UBA5: variants seen among roughly 807,000 people sequenced by gnomAD.
The protein encoded by UBA5 is ubiquitin like modifier activating enzyme 5, also known as ubiquitin-like modifier-activating enzyme 5.
Under a neutral mutation model 52.9 loss-of-function variants are expected in UBA5, and 28 were observed. The ratio of observed to expected loss-of-function variants is 0.53; its 90% CI spans 0.39 to 0.73. The LOEUF is 0.73. Ranked by LOEUF, UBA5 falls within the 30% of genes least tolerant of loss-of-function variation. UBA5 has a pLI of 0.00. For missense variants in UBA5, 388 were observed against 492.7 expected (o/e 0.79, Z 2.01); for synonymous variants, 135 against 162.1 (o/e 0.83, Z 1.27).
In UBA5 at chr3:132,677,606, A is replaced by T. The variant is rs1198123680; in HGVS notation, c.*1080A>T. On this transcript the variant is annotated 3_prime_UTR_variant, in exon 12 of 12. Transcript: ENST00000356232. Reference sequence around the variant, plus strand: ...TAAATTTCCAATAGTTTGGAGACTCATAAATACCATGCAGGTGTAACCACT... The same window carrying T: ...TAAATTTCCAATAGTTTGGAGACTCTTAAATACCATGCAGGTGTAACCACT... 1 of 152,220 alleles carries T rather than the reference A, an allele frequency of 6.6e-6. No homozygotes were observed. The highest frequency in any genetic ancestry group is 1.5e-5 in the Non-Finnish European group (1 of 68,024). The allele number at this position is 152,220 out of a possible 1,614,324, so 9.4% of individuals were successfully genotyped here. A position where few individuals can be genotyped will look rare whatever the true frequency, so the allele number is the denominator to read the frequency against.
upstream of UBA5, chr3:132,660,294 C>T (rs1459180033): frequency 8.5e-6 from 5 of 589,200 alleles, no homozygotes; most frequent in East Asian, 1.2e-4. The surrounding 1 kb of genome is among the most constrained non-coding windows in gnomAD (Gnocchi z 4.1). Flanking sequence ...GCCGAAAGAG[C>T]CAGGTTTTTG....
Position 132,660,940 on chromosome 3 carries a change from G to T in UBA5, c.161+242G>T. ...TGCTGCTCCTGTGCCTGCTGAGGAC[G>T]TGTGTCCAGTTTCCTATCACCCTTG... On this transcript the variant is annotated intron_variant, in intron 1 of 11. Coordinates refer to ENST00000356232, the MANE Select transcript of UBA5 (RefSeq NM_024818.6). This position sits in a 1 kb window ranked among gnomAD's most constrained non-coding sequence, Gnocchi z 4.1. The T allele has an allele frequency of 6.7e-7, 1 of 1,491,320 alleles. No individual in the cohort carries two copies. The highest frequency in any genetic ancestry group is 8.9e-7 in the Non-Finnish European group (1 of 1,121,476). 92.4% of individuals were successfully genotyped at this position (1,491,320 alleles called of 1,614,324 possible). A position where few individuals can be genotyped will look rare whatever the true frequency, so the allele number is the denominator to read the frequency against.
In UBA5 at chr3:132,672,126, T is replaced by C. The variant is rs2107943727; in HGVS notation, c.761T>C (p.Leu254Pro). The change falls in exon 8 of 12, where the codon CTT (leucine) becomes CCT (proline). Residue 254 changes from leucine (L) to proline (P), a missense_variant. Physicochemically the swap from Leu to Pro is moderately conservative, Grantham distance 98. This residue lies in a region of UBA5 where 277 missense variants were observed against 326.4 expected (regional missense o/e 0.85). Coordinates refer to ENST00000356232, the MANE Select transcript of UBA5 (RefSeq NM_024818.6). ...CGAGAAGGTGTTTGTGCAGCCAGTC[T>C]TCCTACCACTATGGGTGTGGTTGCT... Reference protein sequence around the residue: ...LKREGVCAASLPTTMGVVAGI... With the variant: ...LKREGVCAASPPTTMGVVAGI... 5 of 1,614,050 alleles carry C rather than the reference T, an allele frequency of 3.1e-6. No individual in the cohort carries two copies. Among genetic ancestry groups the C allele is most frequent in the Non-Finnish European group, 4.2e-6 (5 of 1,179,942 alleles).
intron 5 of UBA5, chr3:132,670,693 A>G (rs1447222167): frequency 8.0e-6 from 2 of 250,766 alleles, no homozygotes; most frequent in East Asian, 1.8e-4. Context: ...TAGTGAAAAA[A>G]TAACTGTTGT....
Position 132,660,870 on chromosome 3 carries a change from T to C in UBA5, c.161+172T>C. ...CCACATCTTAGTACTGATCGGAAGA[T>C]ATTCTTTCTCTTTTTTAAAAACCTC... On this transcript the variant is annotated intron_variant, in intron 1 of 11. Coordinates refer to ENST00000356232, the MANE Select transcript of UBA5 (RefSeq NM_024818.6). This position sits in a 1 kb window ranked among gnomAD's most constrained non-coding sequence, Gnocchi z 4.1. The C allele has an allele frequency of 3.5e-6, 5 of 1,445,648 alleles. No homozygotes were observed. Among genetic ancestry groups the C allele is most frequent in the Non-Finnish European group, 4.5e-6 (5 of 1,101,406 alleles). 89.6% of individuals were successfully genotyped at this position (1,445,648 alleles called of 1,614,324 possible).
rs779804715 is a variant in UBA5, at chr3:132,676,566, C to G, written c.*40C>G. On this transcript the variant is annotated 3_prime_UTR_variant, in exon 12 of 12. Transcript: ENST00000356232. The surrounding 1 kb of genome is among the most constrained non-coding windows in gnomAD (Gnocchi z 4.1). Reference sequence around the variant, plus strand: ...TATATTGTATTTCTCATGTTAAAGCCTCTTCCCTTGAAATTAAAAAAAAAT... The same window carrying G: ...TATATTGTATTTCTCATGTTAAAGCGTCTTCCCTTGAAATTAAAAAAAAAT... 1.4e-5 allele frequency: 20 copies of G among 1,478,732 alleles called. No individual in the cohort carries two copies. In the East Asian group the frequency reaches 4.3e-4, roughly 32 times the overall value. 91.6% of individuals were successfully genotyped at this position (1,478,732 alleles called of 1,614,324 possible). A position where few individuals can be genotyped will look rare whatever the true frequency, so the allele number is the denominator to read the frequency against.
In UBA5 at chr3:132,676,318, G is replaced by C; in HGVS notation, c.1132-125G>C. 1.4e-6 allele frequency: 1 copy of C among 695,690 alleles called. No individual in the cohort carries two copies. Among genetic ancestry groups the C allele is most frequent in the Non-Finnish European group, 2.4e-6 (1 of 418,142 alleles). 43.1% of individuals were successfully genotyped at this position (695,690 alleles called of 1,614,324 possible). A position where few individuals can be genotyped will look rare whatever the true frequency, so the allele number is the denominator to read the frequency against. Reference sequence around the variant, plus strand: ...TCTTTCTTCTAAAAATTAGAAGATAGTTGTTAAAGAAAATTTACTTTATAA... The same window carrying C: ...TCTTTCTTCTAAAAATTAGAAGATACTTGTTAAAGAAAATTTACTTTATAA... On this transcript the variant is annotated intron_variant, in intron 11 of 11. Coordinates refer to ENST00000356232, the MANE Select transcript of UBA5 (RefSeq NM_024818.6). The surrounding 1 kb of genome is among the most constrained non-coding windows in gnomAD (Gnocchi z 4.1).
At chr3:132,673,821 C>A (rs572250571) in intron 8 of UBA5, among the ~76,000 whole-genome samples, 2 of 152,232 alleles carry the variant, frequency 1.3e-5, no homozygotes, top group Non-Finnish European at 2.9e-5. Flanking sequence ...CCCACCACCA[C>A]GCCCAGCTAA....
chr3:132,659,814 GA>G, upstream of UBA5: 1 of 1,521,540 alleles, frequency 6.6e-7, no homozygotes, highest in Non-Finnish European at 8.8e-7. Context: ...AGTCCTTCAG[GA>G]TTGGGGCAAC....
intron 3 of UBA5, 116 bp from the exon 4 acceptor site, chr3:132,668,702 G>C (rs575290337): frequency 1.6e-6 from 1 of 625,350 alleles, no homozygotes; most frequent in Non-Finnish European, 2.7e-6. Context: ...TGTAGAGTTA[G>C]CTAATATTAT....
chr3:132,667,732 T>A (rs1938435503), intron 3 of UBA5: 1 of 152,150 alleles, frequency 6.6e-6, no homozygotes, highest in Admixed American at 6.5e-5. Flanking sequence ...GTGAAAGTGA[T>A]TTACCCACAA....
rs1218343303 is a variant in UBA5 at position 132,676,897 on chromosome 3, A to G, written c.*371A>G. The stretch of plus-strand genomic sequence containing the variant: ...TGCATGAGGACATGGACAATAAAGT[A>G]GTATATGATCCTCAGATACAGGGAG... On this transcript the variant is annotated 3_prime_UTR_variant, in exon 12 of 12. Transcript: ENST00000356232. The surrounding 1 kb of genome is among the most constrained non-coding windows in gnomAD (Gnocchi z 4.1). 2 of 457,462 alleles carry G rather than the reference A, an allele frequency of 4.4e-6. No individual in the cohort carries two copies. The highest frequency in any genetic ancestry group is 3.1e-5 in the South Asian group (2 of 64,534). The allele number at this position is 457,462 out of a possible 1,614,324, so 28.3% of individuals were successfully genotyped here. A position where few individuals can be genotyped will look rare whatever the true frequency, so the allele number is the denominator to read the frequency against.
At chr3:132,665,600 A>G (rs1185437486) in intron 1 of UBA5, 1 of 504,098 alleles carries the variant, frequency 2.0e-6, no homozygotes, top group Non-Finnish European at 3.5e-6. Flanking sequence ...TAGCTTTTAA[A>G]AACCAATCTT....
intron 1 of UBA5, among the ~76,000 whole-genome samples, chr3:132,661,888 T>G (rs1319139254): frequency 6.6e-6 from 1 of 152,214 alleles, no homozygotes; most frequent in Non-Finnish European, 1.5e-5. Context: ...CTGTTTTAAC[T>G]GTGTTGCCAA....
At position 132,660,597 on chromosome 3, in the gene UBA5, C is replaced by G; in HGVS notation, c.60C>G (p.Ala20=). ...TCCAGGAGCTGGAGCGGGAACTTGC[C>G]CAGGAGAGGAGTCTGCAGGTCCCGA... ...QRVQELEREL[A]QERSLQVPRS... The change falls in exon 1 of 12, where the codon GCC becomes GCG. Residue 20 remains alanine, a synonymous_variant. Transcript: ENST00000356232. This position sits in a 1 kb window ranked among gnomAD's most constrained non-coding sequence, Gnocchi z 4.1. 6.4e-7 allele frequency: 1 copy of G among 1,554,064 alleles called. No individual in the cohort carries two copies. Among genetic ancestry groups the G allele is most frequent in the African/African-American group, 1.4e-5 (1 of 73,306 alleles).
rs935836509 is a variant in UBA5, at chr3:132,660,802, A to C, written c.161+104A>C. ...CGTCCCGCTCATGGGGACGCCCGCC[A>C]CCCTTTTCTTGGTCTGCGAATCCTG... is the stretch of plus-strand genomic sequence containing the variant. On this transcript the variant is annotated intron_variant, in intron 1 of 11. Coordinates refer to ENST00000356232, the MANE Select transcript of UBA5 (RefSeq NM_024818.6). This position sits in a 1 kb window ranked among gnomAD's most constrained non-coding sequence, Gnocchi z 4.1. 1.4e-6 allele frequency: 2 copies of C among 1,449,226 alleles called. No individual in the cohort carries two copies. The highest frequency in any genetic ancestry group is 1.8e-6 in the Non-Finnish European group (2 of 1,097,018). The allele number at this position is 1,449,226 out of a possible 1,614,324, so 89.8% of individuals were successfully genotyped here.
rs144527673 is a variant in UBA5, at chr3:132,679,138, C to T, written c.*2612C>T. Among the ~76,000 whole-genome samples the T allele has an allele frequency of 0.026, 3,944 of 151,728 alleles. 174 individuals carry two copies. Among genetic ancestry groups the T allele is most frequent in the African/African-American group, 0.089 (3,661 of 41,360 alleles). On this transcript the variant is annotated 3_prime_UTR_variant, in exon 12 of 12. Transcript: ENST00000356232. ...CAAAAATTAGCCGGGCGTGGTGGTG[C>T]GTGACTGTAATCCCAGCTACTTAGG...
chr3:132,679,612 A>G lies in UBA5; in HGVS notation c.*3086A>G, dbSNP rs953987489. On this transcript the variant is annotated 3_prime_UTR_variant, in exon 12 of 12. Coordinates refer to ENST00000356232, the MANE Select transcript of UBA5 (RefSeq NM_024818.6). ...ATTCAGGCACAAATTTTGGAGGTAC[A>G]AAGAATAAATAATATTCTTAAGGTA... 1.3e-5 allele frequency among the ~76,000 whole-genome samples: 2 copies of G among 152,222 alleles called. No individual in the cohort carries two copies. Among genetic ancestry groups the G allele is most frequent in the Admixed American group, 6.5e-5 (1 of 15,278 alleles).
intron 6 of UBA5, 112 bp downstream of exon 6, chr3:132,671,161 G>C: frequency 1.1e-6 from 1 of 874,880 alleles, no homozygotes; most frequent in South Asian, 1.6e-5. Flanking sequence ...ACCCTTTTCT[G>C]TGTTTTATTT....
Sources: allele counts gnomAD v4.1 joint callset (sites outside exome capture counted in the v4.1 genomes callset), GRCh38; gene constraint gnomAD v4.1.1; regional missense constraint gnomAD v4.1.1; non-coding constraint Gnocchi (gnomAD v3.1); transcripts MANE v1.5; gene names NCBI Gene and HGNC (gene_info 2026-07-23, HGNC 2026-07-21).